Variants in OSBPL10 observed in about 807,000 individuals in gnomAD.
OSBPL10 encodes oxysterol-binding protein-related protein 10.
Under a neutral mutation model 81.7 loss-of-function variants are expected in OSBPL10, and 49 were observed. That is an observed-to-expected ratio of 0.60 (90% CI 0.48 to 0.76). The LOEUF (loss-of-function observed/expected upper bound fraction) is 0.76, where lower values mean the gene tolerates loss of function less well. Among genes scored for constraint, OSBPL10 ranks in the 30% least tolerant of loss-of-function variants. The pLI, the probability that OSBPL10 is intolerant of heterozygous loss-of-function variation, is 0.00. For missense variants in OSBPL10, 923 were observed against 987.8 expected (o/e 0.93, Z 0.88); for synonymous variants, 419 against 383.6 (o/e 1.09, Z -1.08).
rs547766361 is a variant in OSBPL10, at chr3:31,832,027, G to A, written c.538-1796C>T. On this transcript the variant is annotated intron_variant, in intron 3 of 11. Transcript: ENST00000396556. ...TAAATTATGGTACATCTATGTAATG[G>A]AATACTACCAAGCTGTAAGAGAATA... Among the ~76,000 whole-genome samples, 4 of 152,328 alleles carry A rather than the reference G, an allele frequency of 2.6e-5. No homozygotes were observed. The South Asian group carries it at 8.3e-4, about 32-fold the overall frequency.
chr3:31,981,204 G>A lies in OSBPL10; in HGVS notation c.-25C>T, dbSNP rs1356156012. ...TGGTCCGTGGGCGCCCGGGACGCGG[G>A]TGCCCGCCGCGGTGGCGGCCCCGGC... On this transcript the variant is annotated 5_prime_UTR_variant, in exon 1 of 12. Coordinates refer to ENST00000396556, the MANE Select transcript of OSBPL10 (RefSeq NM_017784.5). This position sits in a 1 kb window ranked among gnomAD's most constrained non-coding sequence, Gnocchi z 4.5. The A allele has an allele frequency of 1.4e-6, 2 of 1,380,802 alleles. No individual in the cohort carries two copies. The highest frequency in any genetic ancestry group is 1.9e-6 in the Non-Finnish European group (2 of 1,074,248). The allele number at this position is 1,380,802 out of a possible 1,614,324, so 85.5% of individuals were successfully genotyped here.
At chr3:31,891,876 A>G (rs916009899) in intron 1 of OSBPL10, among the ~76,000 whole-genome samples, 1 of 152,200 alleles carries the variant, frequency 6.6e-6, no homozygotes, top group African/African-American at 2.4e-5. Flanking sequence ...TCCCCAAACT[A>G]AGTTTTATTT....
chr3:32,019,993 A>T (rs769261466), intron 2 of OSBPL10, among the ~76,000 whole-genome samples: 2 of 152,226 alleles, frequency 1.3e-5, no homozygotes, highest in Non-Finnish European at 2.9e-5. Context: ...TTTCTCTCCC[A>T]GTTCCACTCA....
chr3:31,970,473 T>C, intron 1 of OSBPL10, among the ~76,000 whole-genome samples: 1 of 152,222 alleles, frequency 6.6e-6, no homozygotes, highest in East Asian at 1.9e-4. Flanking sequence ...TCCAGGAAAT[T>C]ACTATGTGAC....
At chr3:31,812,723 AAAGAAAGAAAGAAAGAAAGAAAGAAAG>A (rs1559476067) in intron 4 of OSBPL10, among the ~76,000 whole-genome samples, 2,971 of 39,186 alleles carry the variant, frequency 0.076, 485 homozygotes, top group Admixed American at 0.099. Flanking sequence ...AAAAAAAAAG[AAAGAAAGAAAGAAAGAAAGAAAGAAAG>A]AAAGAAAGAA....
At chr3:31,704,030 A>T (rs1294334217) in intron 6 of OSBPL10, 1 of 152,254 alleles carries the variant, frequency 6.6e-6, no homozygotes, top group Non-Finnish European at 1.5e-5. Context: ...TTAGGGGTAG[A>T]AGCACACAGG....
chr3:31,799,417 AAAG>A (rs1257854687), intron 4 of OSBPL10, among the ~76,000 whole-genome samples: 6 of 151,620 alleles, frequency 4.0e-5, no homozygotes, highest in Non-Finnish European at 7.4e-5. Flanking sequence ...TGGAAGAAAG[AAAG>A]AACAAGAATA....
chr3:31,930,198 A>T (rs7643524), intron 1 of OSBPL10, among the ~76,000 whole-genome samples: 41,766 of 151,596 alleles, frequency 0.28, 6,928 homozygotes, highest in East Asian at 0.55. Flanking sequence ...GTTCACAGAT[A>T]AGGATATATA....
At chr3:31,688,213 C>T (rs1468911004) in intron 7 of OSBPL10, among the ~76,000 whole-genome samples, 1 of 151,118 alleles carries the variant, frequency 6.6e-6, no homozygotes, top group Admixed American at 6.6e-5. Context: ...CCCCCACCTC[C>T]CTCTGGTCTC....
chr3:31,731,787 A>C (rs1696979698), intron 6 of OSBPL10, among the ~76,000 whole-genome samples: 2 of 152,212 alleles, frequency 1.3e-5, no homozygotes, highest in South Asian at 4.1e-4. Context: ...GCGCCCGGCC[A>C]GGAGTTAGTT....
intron 3 of OSBPL10, among the ~76,000 whole-genome samples, chr3:31,841,149 C>G (rs1700484615): frequency 6.6e-6 from 1 of 152,190 alleles, no homozygotes; most frequent in Non-Finnish European, 1.5e-5. Flanking sequence ...CTCGGGTGAT[C>G]CACCGCCTCG....
At chr3:31,733,487 C>T in intron 5 of OSBPL10, 76 bp from the exon 6 acceptor site, 2 of 1,578,240 alleles carry the variant, frequency 1.3e-6, no homozygotes, top group East Asian at 2.2e-5. Context: ...TTTGTACTCA[C>T]TGTATGAAGA....
chr3:31,762,233 C>A (rs1698067281), intron 4 of OSBPL10, among the ~76,000 whole-genome samples: 1 of 152,072 alleles, frequency 6.6e-6, no homozygotes, highest in Non-Finnish European at 1.5e-5. Context: ...GAAAAAAGCA[C>A]AGAGTAGTCC....
intron 6 of OSBPL10, among the ~76,000 whole-genome samples, chr3:31,727,790 C>T: frequency 6.6e-6 from 1 of 152,192 alleles, no homozygotes; most frequent in East Asian, 1.9e-4. Context: ...CGGATACATC[C>T]CCAACCAACA....
chr3:32,011,705 T>C (rs796801073), intron 2 of OSBPL10, among the ~76,000 whole-genome samples: 1 of 152,210 alleles, frequency 6.6e-6, no homozygotes, highest in South Asian at 2.1e-4. Flanking sequence ...AAAGATTAGA[T>C]GAATGGCTAA....
intron 1 of OSBPL10, among the ~76,000 whole-genome samples, chr3:31,895,674 A>G (rs1696034169): frequency 2.0e-5 from 3 of 152,174 alleles, no homozygotes; most frequent in Admixed American, 1.3e-4. Context: ...CAATGTGAAC[A>G]TCTTTAAAAC....
intron 4 of OSBPL10, among the ~76,000 whole-genome samples, chr3:31,757,244 T>TCAAGATAAATAAGATCTTGAGGGTG (rs1176832734): frequency 3.9e-5 from 6 of 152,176 alleles, no homozygotes; most frequent in Non-Finnish European, 7.3e-5. Context: ...ATAAAGGGAA[T>TCAAGATAAATAAGATCTTGAGGGTG]CAAGATAAAT....
chr3:31,751,973 A>C (rs969744640), intron 4 of OSBPL10, among the ~76,000 whole-genome samples: 7 of 152,256 alleles, frequency 4.6e-5, no homozygotes, highest in Non-Finnish European at 8.8e-5. Context: ...ACTCTTCATC[A>C]GACTTCCGAA....
chr3:31,796,910 C>G (rs745326189), intron 4 of OSBPL10, among the ~76,000 whole-genome samples: 4 of 151,998 alleles, frequency 2.6e-5, no homozygotes, highest in Non-Finnish European at 5.9e-5. Context: ...CTACCCCAAA[C>G]ATTTTCTCCC....
Sources: gnomAD v4.1 joint callset for allele counts (sites outside exome capture counted in the v4.1 genomes callset) on GRCh38, gnomAD v4.1.1 for gene constraint, Gnocchi (gnomAD v3.1) non-coding constraint, MANE v1.5 for transcripts, NCBI Gene and HGNC (gene_info 2026-07-23, HGNC 2026-07-21) for gene names.